The following PAICS variants were observed in gnomAD, a reference collection of about 807,000 sequenced individuals.
PAICS encodes phosphoribosylaminoimidazole carboxylase and phosphoribosylaminoimidazolesuccinocarboxamide synthase.
PAICS carries 33 observed loss-of-function variants against 53.7 expected under a neutral mutation model. The observed-to-expected ratio is 0.61, with a 90% confidence interval of 0.47 to 0.82. The LOEUF (loss-of-function observed/expected upper bound fraction) is 0.82. Among genes scored for constraint, PAICS ranks in the 40% least tolerant of loss-of-function variants. The probability of loss-of-function intolerance (pLI) is 0.00; values close to 1 mark genes in which losing one functional copy is unlikely to be tolerated. For synonymous variants in PAICS, 141 were observed against 167.2 expected (o/e 0.84, Z 1.21); for missense variants, 394 against 494.1 (o/e 0.80, Z 1.92).
rs142426361 is a variant in PAICS at position 56,457,712 on chromosome 4, C to T, written c.1112-1660C>T. Among the ~76,000 whole-genome samples the T allele has an allele frequency of 2.3e-3, 333 of 145,058 alleles. 3 individuals are homozygous for T. The highest frequency in any genetic ancestry group is 8.3e-3 in the African/African-American group (324 of 38,818). On this transcript the variant is annotated intron_variant, in intron 8 of 8. Coordinates refer to ENST00000512576, the MANE Select transcript of PAICS (RefSeq NM_001079524.2). ...TGGAGTTTCGCTCCTGTTGCCCAGG[C>T]TAGAATGCAATGGCGCAACCTCCGC...
In PAICS at chr4:56,459,536, TAAGA is replaced by T; in HGVS notation, c.*4_*7del. Reference sequence around the variant, plus strand: ...CAAGAAAATCAGAGAATGTAATTTATAAGAAAGAATGCCATTGAATTTTTTAGGG... The same window carrying T: ...CAAGAAAATCAGAGAATGTAATTTATAAGAATGCCATTGAATTTTTTAGGG... On this transcript the variant is annotated stop_retained_variant and 3_prime_UTR_variant, in exon 9 of 9. Transcript: ENST00000512576. 2 of 1,545,782 alleles carry T rather than the reference TAAGA, an allele frequency of 1.3e-6. No individual in the cohort carries two copies.
At chr4:56,453,270 G>A (rs1719007036) in intron 7 of PAICS, among the ~76,000 whole-genome samples, 1 of 152,056 alleles carries the variant, frequency 6.6e-6, no homozygotes, top group Admixed American at 6.6e-5. Flanking sequence ...TTCAGATGGT[G>A]TCATTCTTCA....
At chr4:56,414,459 T>C in the PAICS span, 5 of 152,248 alleles carry the variant, frequency 3.3e-5, no homozygotes, top group African/African-American at 1.2e-4. Context: ...CTTTGGCCTA[T>C]GGCTGCCAAA....
At chr4:56,453,499 CAAGT>C (rs1332022553) in intron 7 of PAICS, 100 bp from the exon 8 acceptor site, 1 of 608,082 alleles carries the variant, frequency 1.6e-6, no homozygotes. Flanking sequence ...TCAAGGACCT[CAAGT>C]AATTAAAACA....
intron 8 of PAICS, among the ~76,000 whole-genome samples, chr4:56,455,512 T>C (rs1371695039): frequency 6.6e-6 from 1 of 152,210 alleles, no homozygotes; most frequent in Admixed American, 6.5e-5. Context: ...GGCTTGGATC[T>C]CCCATGTTTT....
the PAICS span, among the ~76,000 whole-genome samples, chr4:56,417,920 A>C: frequency 1.9e-4 from 28 of 149,386 alleles, no homozygotes; most frequent in African/African-American, 7.0e-4. Context: ...GGCTCACTGC[A>C]ATCCTGCCTC....
chr4:56,416,651 T>C, the PAICS span, among the ~76,000 whole-genome samples: 1 of 152,244 alleles, frequency 6.6e-6, no homozygotes, highest in Admixed American at 6.5e-5. Context: ...GGTTCTCTAA[T>C]TTCCGAACTT....
At chr4:56,424,174 TTC>T in the PAICS span, among the ~76,000 whole-genome samples, 1 of 152,226 alleles carries the variant, frequency 6.6e-6, no homozygotes, top group African/African-American at 2.4e-5. Context: ...CCCAAAAGTA[TTC>T]TCTTTCCTAT....
the PAICS span, chr4:56,419,550 T>A: frequency 7.2e-6 from 3 of 418,740 alleles, no homozygotes; most frequent in South Asian, 2.0e-4. Context: ...TAATGTTGCA[T>A]CCAATTATTT....
intron 7 of PAICS, 62 bp from the exon 8 acceptor site, chr4:56,453,541 A>C (rs752697743): frequency 5.0e-5 from 64 of 1,288,440 alleles, no homozygotes; most frequent in Non-Finnish European, 5.4e-5. Context: ...AAAAAAAAAA[A>C]AACCCTGTCT....
At chr4:56,433,397 TA>T (rs34598008), upstream of PAICS, among the ~76,000 whole-genome samples, 54,042 of 117,928 alleles carry the variant, frequency 0.46, 10,314 homozygotes, top group South Asian at 0.52. Context: ...TGGTATTCAT[TA>T]AAAAAAAAAA....
chr4:56,460,679 T>C lies in PAICS; in HGVS notation c.*1141T>C, dbSNP rs1719465897. The C allele has an allele frequency of 2.6e-5, 4 of 152,250 alleles. No individual in the cohort carries two copies. The highest frequency in any genetic ancestry group is 2.0e-4 in the Admixed American group (3 of 15,276). 9.4% of individuals were successfully genotyped at this position (152,250 alleles called of 1,614,324 possible). A position where few individuals can be genotyped will look rare whatever the true frequency, so the allele number is the denominator to read the frequency against. On this transcript the variant is annotated 3_prime_UTR_variant, in exon 9 of 9. Coordinates refer to ENST00000512576, the MANE Select transcript of PAICS (RefSeq NM_001079524.2). Reference sequence around the variant, plus strand: ...CTATCCATGGTTTATAGATTAAGAATTGATGAGGTAGCTGGGCACAGTGGC... The same window carrying C: ...CTATCCATGGTTTATAGATTAAGAACTGATGAGGTAGCTGGGCACAGTGGC...
the PAICS span, among the ~76,000 whole-genome samples, chr4:56,427,021 A>C: frequency 6.6e-6 from 1 of 152,150 alleles, no homozygotes; most frequent in Non-Finnish European, 1.5e-5. Context: ...TGCCTGGCTT[A>C]TTTCACTTAT....
chr4:56,413,099 G>C, the PAICS span, among the ~76,000 whole-genome samples: 1 of 152,098 alleles, frequency 6.6e-6, no homozygotes, highest in Non-Finnish European at 1.5e-5. Context: ...ACTGATTCAG[G>C]AGGATATAAT....
At chr4:56,444,190 C>G (rs1718478023) in intron 2 of PAICS, among the ~76,000 whole-genome samples, 1 of 152,036 alleles carries the variant, frequency 6.6e-6, no homozygotes, top group South Asian at 2.1e-4. Flanking sequence ...ATCAGAAAAT[C>G]AGGATTCTAC....
At chr4:56,452,417 C>T (rs1230828190) in intron 7 of PAICS, among the ~76,000 whole-genome samples, 2 of 152,122 alleles carry the variant, frequency 1.3e-5, no homozygotes, top group African/African-American at 4.8e-5. Context: ...TCTCATGATC[C>T]GCCTGCCTTG....
chr4:56,453,041 T>C (rs1388520842), intron 7 of PAICS, among the ~76,000 whole-genome samples: 1 of 152,188 alleles, frequency 6.6e-6, no homozygotes, highest in Non-Finnish European at 1.5e-5. Context: ...AAATCTCTGC[T>C]TTAGGAAACA....
upstream of PAICS, chr4:56,435,646 G>A: frequency 3.5e-6 from 5 of 1,433,314 alleles, no homozygotes; most frequent in Admixed American, 4.4e-5. Flanking sequence ...TAGGTGGCGT[G>A]GCCAGCTCAG....
rs1402579269 is a variant in PAICS at position 56,461,842 on chromosome 4, AAG to A, written c.*2308_*2309del. ...CTACGGGCTTGTAGGTAAACATAAA[AAG>A]AGAAAAAATATCCCAATAATACAGT... On this transcript the variant is annotated 3_prime_UTR_variant, in exon 9 of 9. Transcript: ENST00000512576. The A allele has an allele frequency of 6.6e-6, 1 of 152,040 alleles. No homozygotes were observed. Among genetic ancestry groups the A allele is most frequent in the Non-Finnish European group, 1.5e-5 (1 of 68,022 alleles). The allele number at this position is 152,040 out of a possible 1,614,324, so 9.4% of individuals were successfully genotyped here.
Sources: allele counts gnomAD v4.1 joint callset (sites outside exome capture counted in the v4.1 genomes callset), GRCh38; gene constraint gnomAD v4.1.1; transcripts MANE v1.5; gene names NCBI Gene and HGNC (gene_info 2026-07-23, HGNC 2026-07-21).